Variants in CAPN9 observed in about 807,000 individuals in gnomAD.
CAPN9 encodes calpain-9.
A neutral mutation model predicts 92.8 loss-of-function variants in CAPN9; 81 were observed. The observed-to-expected ratio is 0.87, with a 90% CI of 0.73 to 1.05. CAPN9 has a LOEUF of 1.05. CAPN9 is among the 50% of genes least tolerant of loss of function. CAPN9 has a pLI of 0.00. For synonymous variants in CAPN9, 304 were observed against 328.0 expected (o/e 0.93, Z 0.79); for missense variants, 848 against 866.2 (o/e 0.98, Z 0.26).
At chr1:230,778,514 A>G (rs533952762) in intron 8 of CAPN9, among the ~76,000 whole-genome samples, 17 of 152,300 alleles carry the variant, frequency 1.1e-4, no homozygotes, top group African/African-American at 4.1e-4. Context: ...TATTCCTTAC[A>G]GACACCTCGT....
At position 230,769,207 on chromosome 1, in the gene CAPN9, C is replaced by A. The variant is rs773118500; in HGVS notation, c.733C>A (p.Arg245=). Residue 245 remains arginine (R), a synonymous_variant, in exon 6 of 20, where the codon CGG becomes AGG. Coordinates refer to ENST00000271971, the MANE Select transcript of CAPN9 (RefSeq NM_006615.3). ...DTRSAAESEA[R]TPFGLIKGHA... The stretch of plus-strand genomic sequence containing the variant: ...CAGAAGTGCTGCAGAATCTGAGGCC[C>A]GGACGCCGTTTGGTCTTATTAAGGG... The A allele has an allele frequency of 1.9e-6, 3 of 1,613,982 alleles. No homozygotes were observed. Among genetic ancestry groups the A allele is most frequent in the African/African-American group, 2.7e-5 (2 of 74,914 alleles).
intron 9 of CAPN9, among the ~76,000 whole-genome samples, chr1:230,779,716 C>G (rs1667075314): frequency 6.6e-6 from 1 of 152,100 alleles, no homozygotes; most frequent in East Asian, 1.9e-4. Flanking sequence ...TCCTCGGTGG[C>G]AAAAAGGACT....
intron 19 of CAPN9, 31 bp from the exon 20 acceptor site, chr1:230,801,539 C>A: frequency 6.2e-7 from 1 of 1,612,042 alleles, no homozygotes; most frequent in Non-Finnish European, 8.5e-7. Context: ...GGAAGGACAA[C>A]GACCCCTCAT....
intron 1 of CAPN9, among the ~76,000 whole-genome samples, chr1:230,753,634 C>T (rs1243394586): frequency 6.6e-6 from 1 of 152,168 alleles, no homozygotes; most frequent in Non-Finnish European, 1.5e-5. Context: ...CCCCACGTGG[C>T]GTCCGCCCAG....
chr1:230,748,382 C>T (rs953128505), intron 1 of CAPN9, among the ~76,000 whole-genome samples: 1 of 152,152 alleles, frequency 6.6e-6, no homozygotes, highest in Non-Finnish European at 1.5e-5. Flanking sequence ...ACCTCTGACC[C>T]GGCGCCAGCT....
chr1:230,774,480 G>A (rs1005325420), intron 7 of CAPN9, 74 bp from the exon 8 acceptor site: 3 of 981,222 alleles, frequency 3.1e-6, no homozygotes, highest in Non-Finnish European at 5.0e-6. Context: ...ACCGCACACT[G>A]TGGGTTCCAC....
intron 5 of CAPN9, among the ~76,000 whole-genome samples, chr1:230,768,947 G>A (rs1447446276): frequency 1.3e-5 from 2 of 152,220 alleles, no homozygotes; most frequent in African/African-American, 4.8e-5. Context: ...CTGTTCTTTG[G>A]AGTCCACACT....
In CAPN9 at chr1:230,795,262, G is replaced by A. The variant is rs376872376; in HGVS notation, c.1970G>A (p.Arg657Gln). The change falls in exon 18 of 20, where the codon CGG (arginine) becomes CAG (glutamine). Residue 657 changes from arginine to glutamine, a missense_variant. Physicochemically the swap from Arg to Gln is conservative, Grantham distance 43. Transcript: ENST00000271971. ...GATGACTTCCTCAACTGCCTGGTCC[G>A]GCTGGAGAATGCGAGCCGTAAGTGT... Reference protein sequence around the residue: ...DFDDFLNCLVRLENASRVFQA... With the variant: ...DFDDFLNCLVQLENASRVFQA... 68 of 1,610,304 alleles carry A rather than the reference G, an allele frequency of 4.2e-5. No homozygotes were observed. The highest frequency in any genetic ancestry group is 1.7e-4 in the African/African-American group (13 of 74,870).
intron 1 of CAPN9, among the ~76,000 whole-genome samples, chr1:230,754,673 G>A (rs1457640018): frequency 6.6e-6 from 1 of 151,884 alleles, no homozygotes; most frequent in African/African-American, 2.4e-5. Flanking sequence ...AAAGTGGCTG[G>A]GCGTGGTGAC....
At chr1:230,770,922 G>A (rs1009339434) in intron 6 of CAPN9, among the ~76,000 whole-genome samples, 2 of 152,186 alleles carry the variant, frequency 1.3e-5, no homozygotes, top group Non-Finnish European at 2.9e-5. Context: ...GCCAAGGTGT[G>A]AGACGCCGTT....
At chr1:230,798,050 G>A (rs1668463007) in intron 18 of CAPN9, 112 bp from the exon 19 acceptor site, 1 of 758,564 alleles carries the variant, frequency 1.3e-6, no homozygotes, top group East Asian at 2.5e-5. Flanking sequence ...TTTACCACCA[G>A]ATGGAGCAGC....
In CAPN9 at chr1:230,769,192, G is replaced by T. The variant is rs764955805; in HGVS notation, c.718G>T (p.Ala240Ser). Residue 240 changes from alanine to serine, a missense_variant, in exon 6 of 20, where the codon GCA becomes TCA. By Grantham distance (99) the Ala-to-Ser change is moderately conservative. Coordinates refer to ENST00000271971, the MANE Select transcript of CAPN9 (RefSeq NM_006615.3). ...LGCFIDTRSA[A>S]ESEARTPFGL... ...TTCCATGTTTTAGACCAGAAGTGCT[G>T]CAGAATCTGAGGCCCGGACGCCGTT... 1.2e-6 allele frequency: 2 copies of T among 1,613,952 alleles called. No homozygotes were observed. Among genetic ancestry groups the T allele is most frequent in the South Asian group, 2.2e-5 (2 of 91,076 alleles).
At chr1:230,772,239 C>T (rs776537999) in intron 7 of CAPN9, 140 bp downstream of exon 7, 139 of 672,686 alleles carry the variant, frequency 2.1e-4, no homozygotes, top group Middle Eastern at 7.5e-4. Context: ...TTCTGAGGTG[C>T]CCCTTCTTCC....
At chr1:230,795,117 G>A in intron 17 of CAPN9, 46 bp from the exon 18 acceptor site, 1 of 1,251,278 alleles carries the variant, frequency 8.0e-7, no homozygotes, top group South Asian at 1.2e-5. Flanking sequence ...ACTCACCTCG[G>A]GGCTCGGATA....
chr1:230,789,263 C>T (rs1257228333), intron 13 of CAPN9, among the ~76,000 whole-genome samples: 10 of 151,966 alleles, frequency 6.6e-5, no homozygotes, highest in South Asian at 2.1e-4. Context: ...ACACAGATTC[C>T]TCATCAATAG....
chr1:230,775,611 C>G (rs1468174186), intron 8 of CAPN9, among the ~76,000 whole-genome samples: 1 of 152,130 alleles, frequency 6.6e-6, no homozygotes, highest in African/African-American at 2.4e-5. Flanking sequence ...TCATCTCTTT[C>G]TTGTAACAGC....
At chr1:230,751,107 G>A (rs576364135) in intron 1 of CAPN9, among the ~76,000 whole-genome samples, 37 of 152,190 alleles carry the variant, frequency 2.4e-4, no homozygotes, top group South Asian at 1.0e-3. Context: ...ACACCTCCCC[G>A]AAAGTGCCCA....
chr1:230,768,044 AT>A (rs869045326), intron 5 of CAPN9, among the ~76,000 whole-genome samples: 5 of 117,860 alleles, frequency 4.2e-5, no homozygotes, highest in East Asian at 2.3e-4. Flanking sequence ...AAATAAATAA[AT>A]AAATAAATAA....
At chr1:230,791,480 A>T (rs749905265) in intron 14 of CAPN9, among the ~76,000 whole-genome samples, 1 of 152,320 alleles carries the variant, frequency 6.6e-6, no homozygotes, top group East Asian at 1.9e-4. Context: ...CATGATTCCT[A>T]AGGGTCGTAT....
Sources: gnomAD v4.1 joint callset for allele counts (sites outside exome capture counted in the v4.1 genomes callset) on GRCh38, gnomAD v4.1.1 for gene constraint, MANE v1.5 for transcripts, NCBI Gene and HGNC (gene_info 2026-07-23, HGNC 2026-07-21) for gene names.